The following PLEKHM1 variants were observed in gnomAD, a reference collection of about 807,000 sequenced individuals.
The protein encoded by PLEKHM1 is pleckstrin homology and RUN domain containing M1.
A neutral mutation model predicts 94.3 loss-of-function variants in PLEKHM1; 28 were observed. The observed-to-expected ratio is 0.30, with a 90% CI of 0.22 to 0.41. PLEKHM1 has a LOEUF of 0.41. Among genes scored for constraint, PLEKHM1 ranks in the 10% least tolerant of loss-of-function variants. The probability of loss-of-function intolerance (pLI) is 1.00; values close to 1 mark genes in which losing one functional copy is unlikely to be tolerated. For missense variants in PLEKHM1, 907 were observed against 1,358.6 expected, an observed-to-expected ratio of 0.67 and a Z score of 5.22; for synonymous variants, 424 against 581.2, an observed-to-expected ratio of 0.73 and a Z score of 3.89.
Position 45,468,506 on chromosome 17 carries a change from G to A in PLEKHM1, c.1011C>T (p.Ala337=). The change falls in exon 5 of 12, where the codon GCC becomes GCT. Residue 337 remains alanine (A), a synonymous_variant. Coordinates refer to ENST00000430334, the MANE Select transcript of PLEKHM1 (RefSeq NM_014798.3). ...SQETEIPTPQ[A]SLSLHGLNTS... ...TGTTGAGGCCATGGAGGGAGAGCGAGGCCTGTGGTGTGGGGATCTCTGTTT... is the reference window on the plus strand; with the variant it reads ...TGTTGAGGCCATGGAGGGAGAGCGAAGCCTGTGGTGTGGGGATCTCTGTTT... 7 of 1,614,228 alleles carry A rather than the reference G, an allele frequency of 4.3e-6. No individual in the cohort carries two copies. Among genetic ancestry groups the A allele is most frequent in the Non-Finnish European group, 5.9e-6 (7 of 1,180,050 alleles).
chr17:45,441,870 T>C lies in PLEKHM1; in HGVS notation c.2838-1644A>G, dbSNP rs369905822. On this transcript the variant is annotated intron_variant, in intron 9 of 11. Coordinates refer to ENST00000430334, the MANE Select transcript of PLEKHM1 (RefSeq NM_014798.3). ...ACCTGGGAAAGAGACCAGAGGAATC[T>C]GGACGGCTCTCCGGGAGAGAAGAAG... Among the ~76,000 whole-genome samples, 14 of 152,294 alleles carry C rather than the reference T, an allele frequency of 9.2e-5. No homozygotes were observed. In the East Asian group the frequency reaches 1.5e-3, roughly 17 times the overall value.
intron 5 of PLEKHM1, among the ~76,000 whole-genome samples, chr17:45,465,538 A>G (rs970623933): frequency 9.2e-5 from 14 of 151,866 alleles, no homozygotes; most frequent in African/African-American, 2.9e-4. Context: ...GTGAAACCCC[A>G]TAATTTTGTA....
chr17:45,449,465 C>T (rs1328285070), intron 8 of PLEKHM1, among the ~76,000 whole-genome samples: 1 of 152,082 alleles, frequency 6.6e-6, no homozygotes, highest in Admixed American at 6.5e-5. Context: ...TATCTACCTA[C>T]CCATCCACCT....
rs1269041428 is a variant in PLEKHM1, at chr17:45,444,722, C to A, written c.2837+748G>T. 6.6e-6 allele frequency among the ~76,000 whole-genome samples: 1 copy of A among 152,144 alleles called. No homozygotes were observed. The highest frequency in any genetic ancestry group is 1.5e-5 in the Non-Finnish European group (1 of 67,998). ...CTTCTGTCTAGAATGCTCTTTCCCCCTTTGCTTCTCCTTTCTGATTCTTCC... is the reference window on the plus strand; with the variant it reads ...CTTCTGTCTAGAATGCTCTTTCCCCATTTGCTTCTCCTTTCTGATTCTTCC... On this transcript the variant is annotated intron_variant, in intron 9 of 11. Transcript: ENST00000430334. This position sits in a 1 kb window ranked among gnomAD's most constrained non-coding sequence, Gnocchi z 5.0.
intron 4 of PLEKHM1, among the ~76,000 whole-genome samples, chr17:45,472,178 T>A (rs1321129316): frequency 4.6e-5 from 7 of 152,206 alleles, no homozygotes; most frequent in South Asian, 4.1e-4. Context: ...GAGAACATTT[T>A]ACCCTTGAAA....
chr17:45,471,239 A>C (rs1017069634), intron 4 of PLEKHM1, among the ~76,000 whole-genome samples: 56 of 151,392 alleles, frequency 3.7e-4, no homozygotes, highest in African/African-American at 1.3e-3. Flanking sequence ...CAAAACTACA[A>C]TGAAATACCA....
Position 45,468,556 on chromosome 17 carries a change from CAG to C in PLEKHM1, c.959_960del (p.Ser320CysfsTer33). 1 of 1,614,182 alleles carries C rather than the reference CAG, an allele frequency of 6.2e-7. No homozygotes were observed. ...TCTTGGCTCAGTCCGTTGGTTGGCA[CAG>C]AGTTTACCTGGGCTTTGCTGAATTC... ...LLEFSKAQVN[S>X]VPTNGLSQET... On this transcript the variant is annotated frameshift_variant, in exon 5 of 12. Coordinates refer to ENST00000430334, the MANE Select transcript of PLEKHM1 (RefSeq NM_014798.3). LOFTEE classifies it high-confidence loss of function.
rs2684652 is a variant in PLEKHM1, at chr17:45,444,575, T to C, written c.2837+895A>G. On this transcript the variant is annotated intron_variant, in intron 9 of 11. Coordinates refer to ENST00000430334, the MANE Select transcript of PLEKHM1 (RefSeq NM_014798.3). This position sits in a 1 kb window ranked among gnomAD's most constrained non-coding sequence, Gnocchi z 5.0. ...ACGACTGGCTGGTACAGGGAAGAGA[T>C]GGGAACATCTGGCCCTCACCTGCCT... 6.6e-6 allele frequency among the ~76,000 whole-genome samples: 1 copy of C among 152,156 alleles called. No homozygotes were observed. The highest frequency in any genetic ancestry group is 2.4e-5 in the African/African-American group (1 of 41,424).
Position 45,453,818 on chromosome 17 carries a change from C to G in PLEKHM1, c.2034G>C (p.Gln678His). ...CCTTGATGGCATCTGGCTCTGGAAC[C>G]TGGGCGGACGACCAGTCAAACTGTG... is the stretch of plus-strand genomic sequence containing the variant. Reference protein sequence around the residue: ...QGTQFDWSSAQVPEPDAIKES... With the variant: ...QGTQFDWSSAHVPEPDAIKES... Residue 678 changes from glutamine to histidine, a missense_variant, in exon 7 of 12, where the codon CAG (glutamine) becomes CAC (histidine). Transcript: ENST00000430334. The surrounding 1 kb of genome is among the most constrained non-coding windows in gnomAD (Gnocchi z 4.1). The G allele has an allele frequency of 6.2e-7, 1 of 1,613,984 alleles. No homozygotes were observed. The highest frequency in any genetic ancestry group is 1.1e-5 in the South Asian group (1 of 91,076).
intron 4 of PLEKHM1, among the ~76,000 whole-genome samples, chr17:45,472,302 G>A (rs1163282700): frequency 6.6e-6 from 1 of 152,140 alleles, no homozygotes; most frequent in African/African-American, 2.4e-5. Context: ...TCTTACATTT[G>A]CCAGTTACTC....
intron 7 of PLEKHM1, among the ~76,000 whole-genome samples, chr17:45,451,401 C>T (rs1440242251): frequency 1.3e-5 from 2 of 152,086 alleles, no homozygotes; most frequent in Non-Finnish European, 2.9e-5. Context: ...GGGATGTGCC[C>T]TGGGCAAAAA....
intron 8 of PLEKHM1, among the ~76,000 whole-genome samples, chr17:45,447,112 G>A (rs1236080235): frequency 6.6e-6 from 1 of 152,206 alleles, no homozygotes; most frequent in Non-Finnish European, 1.5e-5. Flanking sequence ...CAGTAAATGT[G>A]AGCTGCTATC....
intron 1 of PLEKHM1, among the ~76,000 whole-genome samples, chr17:45,484,657 T>G (rs2052054084): frequency 6.6e-6 from 1 of 152,202 alleles, no homozygotes; most frequent in African/African-American, 2.4e-5. Flanking sequence ...GCCCTCACAT[T>G]TGGCTCAGAA....
chr17:45,480,527 A>C (rs2051919341), intron 2 of PLEKHM1, among the ~76,000 whole-genome samples: 1 of 152,156 alleles, frequency 6.6e-6, no homozygotes, highest in Non-Finnish European at 1.5e-5. Flanking sequence ...AACAAAAAAA[A>C]CGATTTTCAT....
In PLEKHM1 at chr17:45,475,551, C is replaced by T. The variant is rs1346167214; in HGVS notation, c.472G>A (p.Ala158Thr). 7 of 1,612,562 alleles carry T rather than the reference C, an allele frequency of 4.3e-6. No homozygotes were observed. The highest frequency in any genetic ancestry group is 5.1e-6 in the Non-Finnish European group (6 of 1,178,734). The change falls in exon 4 of 12, where the codon GCT (alanine) becomes ACT (threonine). Residue 158 changes from alanine (A) to threonine (T), a missense_variant. This residue lies in a region of PLEKHM1 where 176 missense variants were observed against 306.0 expected (regional missense o/e 0.58). Coordinates refer to ENST00000430334, the MANE Select transcript of PLEKHM1 (RefSeq NM_014798.3). Reference sequence around the variant, plus strand: ...CTAAGGAGGAACTCGCCCTCCTCAGCATCCCGGAGCAGGGCGGTGGGCTGG... The same window carrying T: ...CTAAGGAGGAACTCGCCCTCCTCAGTATCCCGGAGCAGGGCGGTGGGCTGG... ...YYQPTALLRD[A>T]EEGEFLLSFL...
At chr17:45,442,057 C>A (rs549237479) in intron 9 of PLEKHM1, among the ~76,000 whole-genome samples, 64 of 152,264 alleles carry the variant, frequency 4.2e-4, no homozygotes, top group Non-Finnish European at 8.2e-4. Flanking sequence ...TCCCGGCTGT[C>A]GGGAGGGACA....
rs553799571 is a variant in PLEKHM1 at position 45,450,248 on chromosome 17, C to T, written c.2643+370G>A. Among the ~76,000 whole-genome samples, 10 of 152,310 alleles carry T rather than the reference C, an allele frequency of 6.6e-5. No homozygotes were observed. The South Asian group carries it at 2.1e-3, about 32-fold the overall frequency. On this transcript the variant is annotated intron_variant, in intron 8 of 11. Coordinates refer to ENST00000430334, the MANE Select transcript of PLEKHM1 (RefSeq NM_014798.3). ...AGCCCCCTAACCATCCACCTAGCCA[C>T]CTGCTCATCCACCTACCTACCTGAC...
At chr17:45,463,959 T>A (rs899685320) in intron 5 of PLEKHM1, 3 of 152,272 alleles carry the variant, frequency 2.0e-5, no homozygotes, top group Middle Eastern at 3.4e-3. Context: ...TTCAGAAGGA[T>A]GAGACTTTGT....
chr17:45,479,733 T>C (rs958332884), intron 2 of PLEKHM1, among the ~76,000 whole-genome samples: 3 of 145,590 alleles, frequency 2.1e-5, no homozygotes, highest in African/African-American at 7.4e-5. Context: ...AACATATATA[T>C]AAAAGAGCTG....
Sources: gnomAD v4.1 joint callset for allele counts (sites outside exome capture counted in the v4.1 genomes callset) on GRCh38, gnomAD v4.1.1 for gene constraint, gnomAD v4.1.1 regional missense constraint, Gnocchi (gnomAD v3.1) non-coding constraint, MANE v1.5 for transcripts, NCBI Gene and HGNC (gene_info 2026-07-23, HGNC 2026-07-21) for gene names.